The following NGEF variants were observed in gnomAD, a reference collection of about 807,000 sequenced individuals.
NGEF encodes ephexin-1.
NGEF carries 31 observed loss-of-function variants against 80.9 expected under a neutral mutation model. The ratio of observed to expected loss-of-function variants is 0.38; its 90% confidence interval spans 0.29 to 0.52. The LOEUF (loss-of-function observed/expected upper bound fraction) is 0.52, where lower values mean the gene tolerates loss of function less well. NGEF is among the 20% of genes least tolerant of loss of function. The probability of loss-of-function intolerance (pLI) is 0.84; values close to 1 mark genes in which losing one functional copy is unlikely to be tolerated. For synonymous variants in NGEF, 371 were observed against 370.2 expected, an observed-to-expected ratio of 1.00 and a Z score of -0.03; for missense variants, 709 against 926.2, an observed-to-expected ratio of 0.77 and a Z score of 3.04.
Position 232,974,788 on chromosome 2 carries a change from G to A in NGEF, c.103C>T (p.Leu35Phe), listed in dbSNP as rs1215459751. The change falls in exon 2 of 15, where the codon CTC becomes TTC. Residue 35 changes from leucine to phenylalanine, a missense_variant. Physicochemically the swap from Leu to Phe is conservative, Grantham distance 22 (BLOSUM62 0). This residue lies in a region of NGEF where 283 missense variants were observed against 303.4 expected (regional missense o/e 0.93). Coordinates refer to ENST00000264051, the MANE Select transcript of NGEF (RefSeq NM_019850.3). ...TGAGAAGTCTCCTCTTTTTCTGGGA[G>A]TAACTCAGGTTTCACCTTGGCTGGT... ...NEPAKVKPEL[L>F]PEKEETSQAD... The A allele has an allele frequency of 6.2e-7, 1 of 1,614,124 alleles. No individual in the cohort carries two copies. Among genetic ancestry groups the A allele is most frequent in the Non-Finnish European group, 8.5e-7 (1 of 1,180,052 alleles).
At chr2:232,883,669 G>C (rs910674974) in intron 11 of NGEF, among the ~76,000 whole-genome samples, 1 of 152,136 alleles carries the variant, frequency 6.6e-6, no homozygotes, top group Non-Finnish European at 1.5e-5. Context: ...ACAGCACCAC[G>C]GTCCTGCCAA....
chr2:232,885,222 G>C, intron 10 of NGEF, 58 bp downstream of exon 10: 1 of 1,509,286 alleles, frequency 6.6e-7, no homozygotes, highest in Non-Finnish European at 9.2e-7. Context: ...CTGTGCCTCT[G>C]GGGCGGGGCC....
intron 1 of NGEF, among the ~76,000 whole-genome samples, chr2:233,001,786 G>T (rs147341439): frequency 7.9e-5 from 12 of 151,844 alleles, no homozygotes; most frequent in Non-Finnish European, 1.6e-4. Flanking sequence ...AGGCCGAGGC[G>T]GGTGGATCAC....
intron 3 of NGEF, 30 bp downstream of exon 3, chr2:232,970,184 C>A (rs756239524): frequency 6.9e-5 from 92 of 1,338,100 alleles, no homozygotes; most frequent in Non-Finnish European, 9.2e-5. Context: ...TTTCCCAGAC[C>A]AGCATTCCTC....
At chr2:232,958,698 CT>C (rs972047803) in intron 3 of NGEF, among the ~76,000 whole-genome samples, 1 of 152,048 alleles carries the variant, frequency 6.6e-6, no homozygotes, top group African/African-American at 2.4e-5. Context: ...AAGCTCCTGT[CT>C]TTTTGTATTT....
chr2:232,946,304 G>A (rs922866685), intron 3 of NGEF, among the ~76,000 whole-genome samples: 2 of 151,976 alleles, frequency 1.3e-5, no homozygotes, highest in Non-Finnish European at 2.9e-5. Context: ...AAGGGGGTGA[G>A]GGATAAAAGA....
intron 1 of NGEF, 74 bp downstream of exon 1, chr2:233,012,994 A>G: frequency 2.2e-6 from 1 of 460,738 alleles, no homozygotes; most frequent in Middle Eastern, 3.3e-4. Flanking sequence ...TACCTGTCCT[A>G]GCGGTAGCCT....
intron 1 of NGEF, among the ~76,000 whole-genome samples, chr2:232,996,299 G>A (rs1694844916): frequency 6.6e-6 from 1 of 152,120 alleles, no homozygotes; most frequent in Non-Finnish European, 1.5e-5. Flanking sequence ...CTGCACTCCA[G>A]CCTGGGTGAC....
chr2:232,959,962 G>T (rs1693910668), intron 3 of NGEF, among the ~76,000 whole-genome samples: 1 of 152,238 alleles, frequency 6.6e-6, no homozygotes, highest in Admixed American at 6.5e-5. Flanking sequence ...CTACAGCAGA[G>T]CTGTTAACAC....
chr2:232,931,786 A>G (rs912951981), intron 3 of NGEF, among the ~76,000 whole-genome samples: 1 of 152,198 alleles, frequency 6.6e-6, no homozygotes, highest in African/African-American at 2.4e-5. Flanking sequence ...TGGACATAGA[A>G]CCATTTGGCT....
At chr2:232,994,577 T>C (rs1200840894) in intron 1 of NGEF, among the ~76,000 whole-genome samples, 1 of 152,154 alleles carries the variant, frequency 6.6e-6, no homozygotes, top group Non-Finnish European at 1.5e-5. Context: ...GCTTGCCATA[T>C]GACACCGGGG....
rs781209476 is a variant in NGEF, at chr2:232,927,191, CAG to C, written c.384-7_384-6del. The C allele has an allele frequency of 3.0e-5, 48 of 1,581,156 alleles. No homozygotes were observed. The highest frequency in any genetic ancestry group is 3.5e-5 in the Non-Finnish European group (41 of 1,166,406). ...CCCGGGGTGGAGGACGACTCACTGC[CAG>C]AGAGGGAGGAGGACAGGGGCTGGTT... On this transcript the variant is annotated splice_polypyrimidine_tract_variant and splice_region_variant and intron_variant, in intron 3 of 14. Transcript: ENST00000264051.
chr2:232,921,441 C>T (rs564874286), intron 4 of NGEF, among the ~76,000 whole-genome samples: 1 of 152,244 alleles, frequency 6.6e-6, no homozygotes, highest in South Asian at 2.1e-4. Flanking sequence ...ACACTCTGTT[C>T]TACATTTTAT....
At chr2:232,919,417 A>G (rs1692886735) in intron 5 of NGEF, among the ~76,000 whole-genome samples, 1 of 152,150 alleles carries the variant, frequency 6.6e-6, no homozygotes, top group Non-Finnish European at 1.5e-5. Context: ...TGGGTGGACA[A>G]AGTGCTTATT....
chr2:232,977,926 T>C (rs1393121184), intron 1 of NGEF, among the ~76,000 whole-genome samples: 1 of 152,036 alleles, frequency 6.6e-6, no homozygotes, highest in Non-Finnish European at 1.5e-5. Flanking sequence ...TGGCCCCCTG[T>C]TTGTTGTGGG....
At chr2:232,928,954 C>T (rs2592120) in intron 3 of NGEF, among the ~76,000 whole-genome samples, 42,087 of 152,002 alleles carry the variant, frequency 0.28, 5,973 homozygotes, top group Non-Finnish European at 0.31. Flanking sequence ...CGAGCCAAGC[C>T]GCCCTCTGCT....
At chr2:233,009,281 T>C (rs571304354) in intron 1 of NGEF, among the ~76,000 whole-genome samples, 27 of 152,308 alleles carry the variant, frequency 1.8e-4, no homozygotes, top group African/African-American at 6.5e-4. Context: ...GAGATATATG[T>C]CTTTCTATGC....
intron 5 of NGEF, among the ~76,000 whole-genome samples, chr2:232,915,017 CAA>C (rs11374459): frequency 3.5e-4 from 34 of 97,098 alleles, no homozygotes; most frequent in Admixed American, 6.6e-4. Flanking sequence ...ACTCCATCTC[CAA>C]AAAAAAAAAA....
chr2:232,982,335 G>A (rs904360768), intron 1 of NGEF, among the ~76,000 whole-genome samples: 13 of 152,152 alleles, frequency 8.5e-5, no homozygotes, highest in African/African-American at 3.1e-4. Flanking sequence ...CCTGTGACAA[G>A]AAGGGCTTGA....
Sources: allele counts gnomAD v4.1 joint callset (sites outside exome capture counted in the v4.1 genomes callset), GRCh38; gene constraint gnomAD v4.1.1; regional missense constraint gnomAD v4.1.1; transcripts MANE v1.5; gene names NCBI Gene and HGNC (gene_info 2026-07-23, HGNC 2026-07-21).